The following USP38 variants were observed in gnomAD, a reference collection of about 807,000 sequenced individuals.
The protein encoded by USP38 is ubiquitin carboxyl-terminal hydrolase 38.
A neutral mutation model predicts 94.3 loss-of-function variants in USP38; 49 were observed. The ratio of observed to expected loss-of-function variants is 0.52; its 90% CI spans 0.41 to 0.66. The LOEUF is 0.66. Ranked by LOEUF, USP38 falls within the 30% of genes least tolerant of loss-of-function variation. The pLI is 0.00. For synonymous variants in USP38, 468 were observed against 463.6 expected (o/e 1.01, Z -0.12); for missense variants, 1,128 against 1,229.4 (o/e 0.92, Z 1.23).
intron 7 of USP38, 51 bp from the exon 8 acceptor site, chr4:143,212,267 G>T (rs371873720): frequency 4.9e-6 from 7 of 1,425,514 alleles, no homozygotes; most frequent in Non-Finnish European, 6.8e-6. Context: ...CAGTTACTTG[G>T]TTCATGCTAT....
intron 6 of USP38, among the ~76,000 whole-genome samples, chr4:143,208,005 G>A (rs369247917): frequency 1.3e-5 from 2 of 152,002 alleles, no homozygotes; most frequent in Non-Finnish European, 2.9e-5. Flanking sequence ...TAACAGTTAC[G>A]TTGTTCCAGA....
At chr4:143,201,133 C>T (rs1159044748) in intron 4 of USP38, among the ~76,000 whole-genome samples, 1 of 152,134 alleles carries the variant, frequency 6.6e-6, no homozygotes, top group Non-Finnish European at 1.5e-5. Flanking sequence ...AATTATACTA[C>T]AGGGCTACAG....
At position 143,223,782 on chromosome 4, in the gene USP38, T is replaced by G. The variant is rs1732380651; in HGVS notation, c.*3326T>G. On this transcript the variant is annotated 3_prime_UTR_variant, in exon 10 of 10. Transcript: ENST00000307017. ...TTTAAAATGACTATTTCAAAAATAC[T>G]GTACATTTATATATAGTATTTTTTC... 6.6e-6 allele frequency: 1 copy of G among 152,096 alleles called. No individual in the cohort carries two copies. Among genetic ancestry groups the G allele is most frequent in the South Asian group, 2.1e-4 (1 of 4,776 alleles). 9.4% of individuals were successfully genotyped at this position (152,096 alleles called of 1,614,324 possible). A position where few individuals can be genotyped will look rare whatever the true frequency, so the allele number is the denominator to read the frequency against.
At chr4:143,213,545 A>C (rs765121679) in intron 8 of USP38, 36 bp from the exon 9 acceptor site, 1 of 1,511,570 alleles carries the variant, frequency 6.6e-7, no homozygotes, top group South Asian at 1.4e-5. Context: ...TTTGAAGTTA[A>C]TTTAAGTAGC....
At chr4:143,218,006 A>G (rs570520911) in intron 9 of USP38, among the ~76,000 whole-genome samples, 24 of 152,230 alleles carry the variant, frequency 1.6e-4, no homozygotes, top group African/African-American at 5.5e-4. Context: ...TTTGGTTAGG[A>G]TACAGTGAGA....
At chr4:143,204,334 C>T in intron 5 of USP38, 1 of 443,188 alleles carries the variant, frequency 2.3e-6, no homozygotes, top group South Asian at 1.6e-5. Context: ...CGAATCTTTA[C>T]TTGAATTATT....
rs1464465881 is a variant in USP38, at chr4:143,185,963, G to T, written c.513G>T (p.Leu171=). 6.2e-7 allele frequency: 1 copy of T among 1,614,128 alleles called. No homozygotes were observed. The highest frequency in any genetic ancestry group is 1.7e-5 in the Admixed American group (1 of 60,030). The part of the protein sequence containing the change: ...GKLSITFCQQ[L]VRTIGHFQCV... ...TGTCCATCACGTTCTGTCAACAGCT[G>T]GTTCGAACGATAGGCCATTTCCAGT... The change falls in exon 1 of 10, where the codon CTG becomes CTT. Residue 171 remains leucine (L), a synonymous_variant. Transcript: ENST00000307017.
rs1226429043 is a variant in USP38, at chr4:143,185,909, C to T, written c.459C>T (p.Asp153=). The change falls in exon 1 of 10, where the codon GAC becomes GAT. Residue 153 remains aspartate, a synonymous_variant. Coordinates refer to ENST00000307017, the MANE Select transcript of USP38 (RefSeq NM_032557.6). ...LCARLSDLLT[D]FVQCIPKGKL... is the part of the protein sequence containing the mutation. ...CCCGACTGAGCGACCTTCTGACCGA[C>T]TTTGTGCAATGCATCCCCAAGGGGA... is the stretch of plus-strand genomic sequence containing the variant. 1 of 1,614,210 alleles carries T rather than the reference C, an allele frequency of 6.2e-7. No homozygotes were observed. Among genetic ancestry groups the T allele is most frequent in the East Asian group, 2.2e-5 (1 of 44,868 alleles).
At chr4:143,201,844 AT>A (rs978305797) in intron 4 of USP38, among the ~76,000 whole-genome samples, 8 of 152,164 alleles carry the variant, frequency 5.3e-5, no homozygotes, top group African/African-American at 1.9e-4. Flanking sequence ...ATTCAAAAAA[AT>A]CAACTTTCAC....
intron 2 of USP38, among the ~76,000 whole-genome samples, chr4:143,193,324 T>C (rs1731455747): frequency 6.6e-6 from 1 of 152,218 alleles, no homozygotes; most frequent in Non-Finnish European, 1.5e-5. Context: ...CTATATACTG[T>C]TGCATAGTAT....
At chr4:143,189,888 A>G (rs922235181) in intron 2 of USP38, among the ~76,000 whole-genome samples, 1 of 152,014 alleles carries the variant, frequency 6.6e-6, no homozygotes, top group African/African-American at 2.4e-5. Flanking sequence ...TGTCTCTGAC[A>G]CCATACTGTT....
intron 8 of USP38, among the ~76,000 whole-genome samples, chr4:143,213,240 A>C (rs1321832125): frequency 6.6e-6 from 1 of 152,170 alleles, no homozygotes; most frequent in Non-Finnish European, 1.5e-5. Context: ...TCAGCTAAGA[A>C]TCTATTCAGT....
intron 1 of USP38, 51 bp downstream of exon 1, chr4:143,186,183 C>T: frequency 2.6e-6 from 4 of 1,537,006 alleles, no homozygotes; most frequent in Non-Finnish European, 3.6e-6. Context: ...GTATATGTCT[C>T]TCTTGCACAC....
At chr4:143,199,502 A>G (rs1390783237) in intron 4 of USP38, among the ~76,000 whole-genome samples, 1 of 152,160 alleles carries the variant, frequency 6.6e-6, no homozygotes, top group Non-Finnish European at 1.5e-5. Flanking sequence ...TGTATACCCC[A>G]TAATAGGATT....
chr4:143,188,354 A>G (rs1731291903), intron 2 of USP38, among the ~76,000 whole-genome samples: 1 of 151,984 alleles, frequency 6.6e-6, no homozygotes, highest in South Asian at 2.1e-4. Flanking sequence ...TCAATGTGTA[A>G]TACACTCTTT....
At chr4:143,188,512 G>T (rs1201757409) in intron 2 of USP38, among the ~76,000 whole-genome samples, 1 of 152,104 alleles carries the variant, frequency 6.6e-6, no homozygotes. Flanking sequence ...CTCGTGGGAA[G>T]TCAGCTGTCA....
Position 143,199,377 on chromosome 4 carries a change from A to G in USP38, c.1050+1453A>G, listed in dbSNP as rs184843565. Among the ~76,000 whole-genome samples, 325 of 152,198 alleles carry G rather than the reference A, an allele frequency of 2.1e-3. 1 individual carries two copies. Among genetic ancestry groups the G allele is most frequent in the African/African-American group, 6.6e-3 (276 of 41,534 alleles). ...ATATGTACCACATTTTCTTTATCCA[A>G]TCTGTCACTGATGGGCATTTAGATT... On this transcript the variant is annotated intron_variant, in intron 4 of 9. Transcript: ENST00000307017.
intron 8 of USP38, among the ~76,000 whole-genome samples, chr4:143,213,300 A>G (rs1041979139): frequency 1.3e-5 from 2 of 152,200 alleles, no homozygotes; most frequent in African/African-American, 4.8e-5. Context: ...ACAGAGATAT[A>G]TAAGACAGTT....
In USP38 at chr4:143,206,076, A is replaced by G. The variant is rs144611822; in HGVS notation, c.1253A>G (p.Asn418Ser). 6.8e-6 allele frequency: 11 copies of G among 1,612,362 alleles called. No individual in the cohort carries two copies. The African/African-American group carries it at 8.0e-5, about 12-fold the overall frequency. Residue 418 changes from asparagine (N) to serine (S), a missense_variant, in exon 6 of 10, where the codon AAT (asparagine) becomes AGT (serine). Physicochemically the swap from Asn to Ser is conservative, Grantham distance 46 (BLOSUM62 1). Transcript: ENST00000307017. ...GAAGAGAAGATTAAGTTAATTCTCA[A>G]TCAAAGTGCCTGGACTTCTCAATCC... ...PSEEKIKLIL[N>S]QSAWTSQSNS...
Sources: allele counts gnomAD v4.1 joint callset (sites outside exome capture counted in the v4.1 genomes callset), GRCh38; gene constraint gnomAD v4.1.1; transcripts MANE v1.5; gene names NCBI Gene and HGNC (gene_info 2026-07-23, HGNC 2026-07-21).